Variants in CDR2 observed in about 807,000 individuals in gnomAD.
CDR2 encodes cerebellar degeneration related protein 2.
In CDR2, 34 loss-of-function variants were observed where a neutral mutation model predicts 48.4. The observed-to-expected ratio is 0.70, with a 90% CI of 0.53 to 0.94. The LOEUF (loss-of-function observed/expected upper bound fraction) is 0.94. Ranked by LOEUF, CDR2 falls within the 40% of genes least tolerant of loss-of-function variation. The pLI is 0.00. For missense variants in CDR2, 498 were observed against 549.5 expected (o/e 0.91, Z 0.94); for synonymous variants, 240 against 219.7 (o/e 1.09, Z -0.82).
intron 2 of CDR2, among the ~76,000 whole-genome samples, chr16:22,361,926 G>A (rs903479429): frequency 1.5e-5 from 2 of 130,202 alleles, no homozygotes; most frequent in Non-Finnish European, 3.1e-5. Flanking sequence ...TTTTGAGATG[G>A]AGTCTCGCTC....
chr16:22,349,201 T>A lies in CDR2; in HGVS notation c.506+78A>T, dbSNP rs1055597719. 3 of 1,485,124 alleles carry A rather than the reference T, an allele frequency of 2.0e-6. No homozygotes were observed. The African/African-American group carries it at 4.2e-5, about 21-fold the overall frequency. 92.0% of individuals were successfully genotyped at this position (1,485,124 alleles called of 1,614,324 possible). On this transcript the variant is annotated intron_variant, in intron 4 of 4. Coordinates refer to ENST00000268383, the MANE Select transcript of CDR2 (RefSeq NM_001802.2). Reference sequence around the variant, plus strand: ...AGTGACTTTTCTTAAAATGGTACTTTCAATCTACTGGAAATCAGAATGTGC... The same window carrying A: ...AGTGACTTTTCTTAAAATGGTACTTACAATCTACTGGAAATCAGAATGTGC...
At chr16:22,350,864 G>C (rs984544715) in intron 2 of CDR2, among the ~76,000 whole-genome samples, 1 of 152,088 alleles carries the variant, frequency 6.6e-6, no homozygotes. Flanking sequence ...CAGAAATAAA[G>C]CCTAACGTGG....
Position 22,374,263 on chromosome 16 carries a change from T to C in CDR2, c.47A>G (p.Glu16Gly). 6.2e-7 allele frequency: 1 copy of C among 1,603,562 alleles called. No individual in the cohort carries two copies. The highest frequency in any genetic ancestry group is 1.1e-5 in the South Asian group (1 of 89,746). Residue 16 changes from glutamate (E) to glycine (G), a missense_variant, in exon 1 of 5, where the codon GAG becomes GGG. By Grantham distance (98) the Glu-to-Gly change is moderately conservative (BLOSUM62 -2). Transcript: ENST00000268383. The stretch of plus-strand genomic sequence containing the variant: ...GAGGTCCTGGTGGTCGTACCACGGC[T>C]CGTCCTCCTTCATCTCAAACTCCTC... ...LVEEFEMKED[E>G]PWYDHQDLQQ... is the part of the protein sequence containing the mutation.
At position 22,349,349 on chromosome 16, in the gene CDR2, G is replaced by T. The variant is rs575555659; in HGVS notation, c.436C>A (p.Pro146Thr). 88 of 1,614,116 alleles carry T rather than the reference G, an allele frequency of 5.5e-5. No individual in the cohort carries two copies. Among genetic ancestry groups the T allele is most frequent in the Admixed American group, 1.5e-4 (9 of 60,014 alleles). The part of the protein sequence containing the change: ...LKSSGQGRRS[P>T]GKCDQEKPAP... ...GGTTTCTCCTGGTCACACTTTCCCG[G>T]GCTCCTTCTCCCTTGGCCAGATGAC... Residue 146 changes from proline to threonine, a missense_variant, in exon 4 of 5, where the codon CCG (proline) becomes ACG (threonine). Pro to Thr is a conservative substitution (Grantham distance 38). Coordinates refer to ENST00000268383, the MANE Select transcript of CDR2 (RefSeq NM_001802.2).
At chr16:22,363,130 CAA>C (rs1456696238) in intron 2 of CDR2, among the ~76,000 whole-genome samples, 1 of 151,760 alleles carries the variant, frequency 6.6e-6, no homozygotes, top group Non-Finnish European at 1.5e-5. Context: ...TTAGTACAGA[CAA>C]AGTTTCACCA....
chr16:22,350,150 T>C (rs186725364), intron 2 of CDR2, among the ~76,000 whole-genome samples: 12 of 151,772 alleles, frequency 7.9e-5, no homozygotes, highest in African/African-American at 2.9e-4. Context: ...GATGGCGCCA[T>C]TGCACTCCAG....
chr16:22,369,014 T>C (rs891935635), intron 1 of CDR2: 10 of 152,224 alleles, frequency 6.6e-5, no homozygotes, highest in African/African-American at 1.9e-4. Context: ...ATATGGAAGC[T>C]ACCACACTGT....
At chr16:22,372,382 C>T (rs942008352) in intron 1 of CDR2, among the ~76,000 whole-genome samples, 2 of 152,078 alleles carry the variant, frequency 1.3e-5, no homozygotes, top group African/African-American at 4.8e-5. Context: ...CAATTCTGTG[C>T]GAGTGCTTCA....
chr16:22,348,611 C>A (rs2048922273), intron 4 of CDR2, among the ~76,000 whole-genome samples: 1 of 152,182 alleles, frequency 6.6e-6, no homozygotes, highest in South Asian at 2.1e-4. Flanking sequence ...TTTACCCGCA[C>A]CTAGAAATTC....
chr16:22,348,424 G>C (rs1357021702), intron 4 of CDR2, among the ~76,000 whole-genome samples: 1 of 152,144 alleles, frequency 6.6e-6, no homozygotes, highest in Non-Finnish European at 1.5e-5. Context: ...AAAAGTACTG[G>C]TGCCTGGGTC....
chr16:22,366,695 G>A (rs185278020), intron 1 of CDR2, among the ~76,000 whole-genome samples: 12 of 152,226 alleles, frequency 7.9e-5, no homozygotes, highest in African/African-American at 1.9e-4. Flanking sequence ...GCCAGTTTGC[G>A]GAGGGCCTAA....
At chr16:22,369,432 C>T (rs1415901295) in intron 1 of CDR2, among the ~76,000 whole-genome samples, 1 of 152,160 alleles carries the variant, frequency 6.6e-6, no homozygotes, top group African/African-American at 2.4e-5. Flanking sequence ...CTTCCCTGCT[C>T]CTGCAGAAAG....
At chr16:22,356,899 C>T (rs1455320316) in intron 2 of CDR2, among the ~76,000 whole-genome samples, 2 of 147,952 alleles carry the variant, frequency 1.4e-5, no homozygotes, top group East Asian at 2.0e-4. Context: ...CAAGATCATG[C>T]CACTGCACTC....
chr16:22,351,291 C>T (rs200226762), intron 2 of CDR2, among the ~76,000 whole-genome samples: 5 of 152,170 alleles, frequency 3.3e-5, no homozygotes, highest in Non-Finnish European at 7.3e-5. Flanking sequence ...GGTTCCAAGT[C>T]TTTGCTATTG....
At chr16:22,350,998 G>C (rs2048938225) in intron 2 of CDR2, among the ~76,000 whole-genome samples, 1 of 152,106 alleles carries the variant, frequency 6.6e-6, no homozygotes, top group South Asian at 2.1e-4. Context: ...ATTTACATTA[G>C]GTATTTCTCC....
At position 22,347,537 on chromosome 16, in the gene CDR2, G is replaced by A. The variant is rs1318044196; in HGVS notation, c.793C>T (p.His265Tyr). ...TTCTCAACTCCATTCACAAATGGAT[G>A]CTCTGACTGCAACATCTGTCGCATC... is the stretch of plus-strand genomic sequence containing the variant. The part of the protein sequence containing the change: ...AEMRQMLQSE[H>Y]PFVNGVEKLV... The change falls in exon 5 of 5, where the codon CAT becomes TAT. Residue 265 changes from histidine (H) to tyrosine (Y), a missense_variant. Transcript: ENST00000268383. 7 of 1,614,074 alleles carry A rather than the reference G, an allele frequency of 4.3e-6. No individual in the cohort carries two copies. The highest frequency in any genetic ancestry group is 5.9e-6 in the Non-Finnish European group (7 of 1,180,016).
chr16:22,374,195 GGCC>G, intron 1 of CDR2, 33 bp downstream of exon 1: 1 of 1,469,354 alleles, frequency 6.8e-7, no homozygotes, highest in Non-Finnish European at 9.4e-7. Flanking sequence ...TCCCGGGCCA[GGCC>G]GCCGCCCGCC....
At chr16:22,352,467 CAA>C (rs947404964) in intron 2 of CDR2, among the ~76,000 whole-genome samples, 2 of 151,844 alleles carry the variant, frequency 1.3e-5, no homozygotes, top group Admixed American at 6.6e-5. Context: ...CTCTTGAAGT[CAA>C]AAGTGTTTTG....
chr16:22,358,876 G>A (rs2048993567), intron 2 of CDR2, among the ~76,000 whole-genome samples: 1 of 152,116 alleles, frequency 6.6e-6, no homozygotes, highest in Non-Finnish European at 1.5e-5. Context: ...AATTCTGGAA[G>A]ATTTATTTTT....
Sources: allele counts gnomAD v4.1 joint callset (sites outside exome capture counted in the v4.1 genomes callset), GRCh38; gene constraint gnomAD v4.1.1; transcripts MANE v1.5; gene names NCBI Gene and HGNC (gene_info 2026-07-23, HGNC 2026-07-21).